Variants in TCF25 observed in about 807,000 individuals in gnomAD.
TCF25 encodes the protein TCF25 ribosome quality control complex subunit, also known as ribosome quality control complex subunit TCF25.
In TCF25, 41 loss-of-function variants were observed where a neutral mutation model predicts 83.1. That is an observed-to-expected ratio of 0.49 (90% CI 0.38 to 0.64). The LOEUF is 0.64. Among genes scored for constraint, TCF25 ranks in the 30% least tolerant of loss-of-function variants. The pLI is 0.00. For missense variants in TCF25, 979 were observed against 914.5 expected (o/e 1.07, Z -0.91); for synonymous variants, 458 against 365.0 (o/e 1.25, Z -2.90).
chr16:89,908,801 G>T (rs1228831534), intron 16 of TCF25, among the ~76,000 whole-genome samples: 1 of 129,384 alleles, frequency 7.7e-6, no homozygotes, highest in Non-Finnish European at 1.6e-5. Flanking sequence ...CCACCTCCCA[G>T]CTCCCACCTC....
intron 13 of TCF25, chr16:89,904,521 A>G (rs561752048): frequency 4.0e-5 from 20 of 497,946 alleles, no homozygotes; most frequent in Middle Eastern, 5.5e-4. Context: ...TCAAAGGTAC[A>G]GTGAGCTGTG....
intron 1 of TCF25, among the ~76,000 whole-genome samples, chr16:89,875,167 G>A (rs2042083416): frequency 6.6e-6 from 1 of 152,140 alleles, no homozygotes; most frequent in Non-Finnish European, 1.5e-5. Flanking sequence ...GCTTGGCCCC[G>A]TAAGTCTTTT....
At chr16:89,878,870 T>G (rs1376261291) in intron 1 of TCF25, among the ~76,000 whole-genome samples, 1 of 152,212 alleles carries the variant, frequency 6.6e-6, no homozygotes, top group African/African-American at 2.4e-5. Context: ...CTTGATCTCC[T>G]GACCTCGCCA....
At position 89,892,641 on chromosome 16, in the gene TCF25, G is replaced by A. The variant is rs568729267; in HGVS notation, c.697+366G>A. ...TTCTGCCATCGACCTTTCCCTTATG[G>A]AAGCAATCGAGTTCATTTTAAACTG... On this transcript the variant is annotated intron_variant, in intron 6 of 17. Coordinates refer to ENST00000263346, the MANE Select transcript of TCF25 (RefSeq NM_014972.3). 1.1e-4 allele frequency among the ~76,000 whole-genome samples: 17 copies of A among 152,318 alleles called. No homozygotes were observed. The South Asian group carries it at 1.2e-3, about 11-fold the overall frequency.
Position 89,893,846 on chromosome 16 carries a change from G to A in TCF25, c.816G>A (p.Pro272=), listed in dbSNP as rs543865930. The A allele has an allele frequency of 1.2e-5, 19 of 1,606,170 alleles. No homozygotes were observed. The highest frequency in any genetic ancestry group is 7.8e-5 in the South Asian group (7 of 89,764). Residue 272 remains proline, a synonymous_variant, in exon 7 of 18, where the codon CCG becomes CCA. Coordinates refer to ENST00000263346, the MANE Select transcript of TCF25 (RefSeq NM_014972.3). ...KFLVAVESME[P]NNIVVLLQTS... is the part of the protein sequence containing the mutation. ...TGGTGGCCGTGGAGTCTATGGAGCCGAACAACATCGTGGTGCGTGGTCCCT... is the reference window on the plus strand; with the variant it reads ...TGGTGGCCGTGGAGTCTATGGAGCCAAACAACATCGTGGTGCGTGGTCCCT...
At chr16:89,886,605 G>C (rs2043037130) in intron 4 of TCF25, among the ~76,000 whole-genome samples, 1 of 151,602 alleles carries the variant, frequency 6.6e-6, no homozygotes, top group Admixed American at 6.6e-5. Context: ...TCTAGTAAAA[G>C]TACAAAATTA....
intron 12 of TCF25, among the ~76,000 whole-genome samples, chr16:89,901,343 C>T (rs1313306386): frequency 2.6e-5 from 4 of 152,214 alleles, no homozygotes; most frequent in Admixed American, 2.6e-4. Flanking sequence ...TGAAATCCCT[C>T]TTTAAGATGG....
In TCF25 at chr16:89,910,812, G is replaced by A. The variant is rs1273228063; in HGVS notation, c.1872+149G>A. The A allele has an allele frequency of 6.0e-6, 6 of 1,007,258 alleles. No homozygotes were observed. The East Asian group carries it at 1.3e-4, about 21-fold the overall frequency. 62.4% of individuals were successfully genotyped at this position (1,007,258 alleles called of 1,614,324 possible). A position where few individuals can be genotyped will look rare whatever the true frequency, so the allele number is the denominator to read the frequency against. On this transcript the variant is annotated intron_variant, in intron 17 of 17. Coordinates refer to ENST00000263346, the MANE Select transcript of TCF25 (RefSeq NM_014972.3). ...CAAGGCTGCATTGTGCCAGTGGGGTGCCCATTCTGCCGGGGAAACTGGGGC... is the reference window on the plus strand; with the variant it reads ...CAAGGCTGCATTGTGCCAGTGGGGTACCCATTCTGCCGGGGAAACTGGGGC...
At chr16:89,906,316 T>G (rs760653585) in intron 15 of TCF25, 32 bp downstream of exon 15, 1 of 1,604,556 alleles carries the variant, frequency 6.2e-7, no homozygotes, top group Non-Finnish European at 8.5e-7. Flanking sequence ...GGGAGCTCTG[T>G]GTAAGCCGGT....
At chr16:89,888,710 T>C (rs1172013374) in intron 5 of TCF25, among the ~76,000 whole-genome samples, 1 of 149,364 alleles carries the variant, frequency 6.7e-6, no homozygotes, top group African/African-American at 2.5e-5. Flanking sequence ...AGATTCTTGC[T>C]CTGTCGCCCA....
chr16:89,873,913 C>A, intron 1 of TCF25, 54 bp downstream of exon 1: 2 of 1,017,338 alleles, frequency 2.0e-6, no homozygotes, highest in Admixed American at 5.2e-5. Context: ...CGTTGTGGGG[C>A]GGGGCGAGCG....
intron 14 of TCF25, 149 bp downstream of exon 14, chr16:89,905,245 C>T (rs2044680246): frequency 1.4e-5 from 17 of 1,177,866 alleles, no homozygotes; most frequent in Non-Finnish European, 1.7e-5. Flanking sequence ...TACAAGACAG[C>T]GCACAGCCCC....
intron 5 of TCF25, among the ~76,000 whole-genome samples, chr16:89,888,458 G>A (rs1245457311): frequency 6.6e-6 from 1 of 150,762 alleles, no homozygotes; most frequent in Non-Finnish European, 1.5e-5. Flanking sequence ...GCATGGTCGT[G>A]CATGCCTGTA....
chr16:89,895,711 CTG>C (rs1194346702), intron 8 of TCF25, among the ~76,000 whole-genome samples: 1 of 152,244 alleles, frequency 6.6e-6, no homozygotes, highest in African/African-American at 2.4e-5. Flanking sequence ...GTGGACACAT[CTG>C]TGCTGCACAC....
intron 9 of TCF25, among the ~76,000 whole-genome samples, chr16:89,898,223 C>G (rs1226021107): frequency 6.6e-6 from 1 of 152,208 alleles, no homozygotes; most frequent in Non-Finnish European, 1.5e-5. Context: ...TCTCTGTGTG[C>G]TGGGCACGTA....
intron 1 of TCF25, among the ~76,000 whole-genome samples, chr16:89,882,845 C>T (rs569405882): frequency 1.3e-5 from 2 of 152,334 alleles, no homozygotes; most frequent in Admixed American, 1.3e-4. Context: ...CATCAACCTC[C>T]CAAAGTGCTG....
At chr16:89,898,404 A>G (rs139812619) in intron 9 of TCF25, among the ~76,000 whole-genome samples, 153 bp from the exon 10 acceptor site, 6,002 of 102,496 alleles carry the variant, frequency 0.059, 595 homozygotes, top group African/African-American at 0.26. Context: ...GCGGGTGTTG[A>G]CTGGGGCGCT....
intron 16 of TCF25, among the ~76,000 whole-genome samples, chr16:89,908,596 CG>C (rs2045228160): frequency 1.6e-5 from 1 of 62,978 alleles, no homozygotes; most frequent in Non-Finnish European, 3.6e-5. Flanking sequence ...TCCCAGCTCC[CG>C]CCTCCCTCCT....
intron 9 of TCF25, among the ~76,000 whole-genome samples, chr16:89,896,846 G>A (rs982999536): frequency 3.9e-5 from 6 of 152,058 alleles, no homozygotes; most frequent in Non-Finnish European, 1.5e-5. Context: ...GAGCCACCGC[G>A]CCCGGCCACT....
Sources: allele counts gnomAD v4.1 joint callset (sites outside exome capture counted in the v4.1 genomes callset), GRCh38; gene constraint gnomAD v4.1.1; transcripts MANE v1.5; gene names NCBI Gene and HGNC (gene_info 2026-07-23, HGNC 2026-07-21).